The following GRM7 variants were observed in gnomAD, a reference collection of about 807,000 sequenced individuals.
GRM7 encodes the protein metabotropic glutamate receptor 7.
In GRM7, 35 loss-of-function variants were observed where a neutral mutation model predicts 84.5. The ratio of observed to expected loss-of-function variants is 0.41; its 90% CI spans 0.32 to 0.55. The LOEUF is 0.55. Ranked by LOEUF, GRM7 falls within the 20% of genes least tolerant of loss-of-function variation. The pLI is 0.19. For missense variants in GRM7, 1,003 were observed against 1,194.6 expected, an observed-to-expected ratio of 0.84 and a Z score of 2.36; for synonymous variants, 487 against 455.1, an observed-to-expected ratio of 1.07 and a Z score of -0.89.
intron 1 of GRM7, among the ~76,000 whole-genome samples, chr3:7,082,863 A>G (rs542134046): frequency 1.2e-4 from 18 of 152,234 alleles, no homozygotes; most frequent in African/African-American, 4.3e-4. Flanking sequence ...TTAAAAGTGG[A>G]GCCTGAAGAT....
At chr3:7,346,693 A>T (rs1692910071) in intron 4 of GRM7, among the ~76,000 whole-genome samples, 1 of 152,066 alleles carries the variant, frequency 6.6e-6, no homozygotes, top group Non-Finnish European at 1.5e-5. Flanking sequence ...CAATTAAAGC[A>T]CCCACTGGAA....
At chr3:7,422,954 A>G (rs1005929245) in intron 5 of GRM7, among the ~76,000 whole-genome samples, 1 of 152,188 alleles carries the variant, frequency 6.6e-6, no homozygotes, top group Non-Finnish European at 1.5e-5. Context: ...GGCAACCCAG[A>G]TCTTTGATTT....
chr3:7,598,154 T>A (rs3804882), intron 8 of GRM7, among the ~76,000 whole-genome samples: 1 of 152,164 alleles, frequency 6.6e-6, no homozygotes, highest in African/African-American at 2.4e-5. Context: ...ATATTGCAGA[T>A]AAGGAATATA....
intron 2 of GRM7, among the ~76,000 whole-genome samples, chr3:7,220,040 A>T (rs1696748392): frequency 6.6e-6 from 1 of 152,260 alleles, no homozygotes; most frequent in Non-Finnish European, 1.5e-5. Flanking sequence ...TATAACATGG[A>T]TATCCATAAG....
At chr3:7,467,550 T>A (rs941882640) in intron 7 of GRM7, among the ~76,000 whole-genome samples, 1 of 152,156 alleles carries the variant, frequency 6.6e-6, no homozygotes, top group Non-Finnish European at 1.5e-5. Context: ...CTGGCCAATC[T>A]GAGACATCAA....
chr3:7,040,695 G>C (rs1696569403), intron 1 of GRM7, among the ~76,000 whole-genome samples: 1 of 151,998 alleles, frequency 6.6e-6, no homozygotes, highest in East Asian at 1.9e-4. Context: ...GTGTGTCTTG[G>C]GACCAGCAGG....
chr3:7,573,031 C>G (rs1694782691), intron 7 of GRM7, among the ~76,000 whole-genome samples: 1 of 150,864 alleles, frequency 6.6e-6, no homozygotes, highest in Non-Finnish European at 1.5e-5. Flanking sequence ...AGTCATGCTA[C>G]TTAATGTTCA....
intron 7 of GRM7, among the ~76,000 whole-genome samples, chr3:7,547,586 T>C (rs564599394): frequency 6.4e-4 from 98 of 152,248 alleles, no homozygotes; most frequent in African/African-American, 2.3e-3. Flanking sequence ...AAAAATCCTA[T>C]TGCCCAGGTC....
At position 7,486,565 on chromosome 3, in the gene GRM7, A is replaced by C. The variant is rs73810663; in HGVS notation, c.1515+24843A>C. Among the ~76,000 whole-genome samples, 2,521 of 152,242 alleles carry C rather than the reference A, an allele frequency of 0.017. 64 individuals are homozygous for C. The highest frequency in any genetic ancestry group is 0.057 in the African/African-American group (2,367 of 41,544). ...CAGAAAAGTGGGGTGCTATACAGCA[A>C]GTCTGCCTCACAAGTTTGTTCTCTC... On this transcript the variant is annotated intron_variant, in intron 7 of 9. Transcript: ENST00000357716. This position sits in a 1 kb window ranked among gnomAD's most constrained non-coding sequence, Gnocchi z 5.5.
At chr3:6,950,943 G>C (rs1050779130) in intron 1 of GRM7, among the ~76,000 whole-genome samples, 5 of 152,160 alleles carry the variant, frequency 3.3e-5, no homozygotes, top group Non-Finnish European at 7.4e-5. Context: ...GATTTTCCAG[G>C]TGCAGTCTGT....
intron 7 of GRM7, among the ~76,000 whole-genome samples, chr3:7,491,040 T>C (rs1224314555): frequency 6.6e-6 from 1 of 152,002 alleles, no homozygotes; most frequent in African/African-American, 2.4e-5. Flanking sequence ...ATGGAATATG[T>C]TTTGATGGTT....
At chr3:7,293,581 A>T (rs1699712689) in intron 2 of GRM7, among the ~76,000 whole-genome samples, 1 of 152,174 alleles carries the variant, frequency 6.6e-6, no homozygotes, top group African/African-American at 2.4e-5. Context: ...AGTGTGAATT[A>T]ATTTGGCAAT....
intron 1 of GRM7, among the ~76,000 whole-genome samples, chr3:6,902,064 A>C (rs1281222508): frequency 6.6e-6 from 1 of 152,168 alleles, no homozygotes; most frequent in Non-Finnish European, 1.5e-5. Flanking sequence ...TTTTATATGA[A>C]AAGACAAAGA....
In GRM7 at chr3:7,740,344, A is replaced by T. The variant is rs747352521; in HGVS notation, c.2699-13A>T. ...TTATTACTGCAACTGACACTTTCTA[A>T]TTTTTCTTTCAGGCCCTGCTGCAAA... is the stretch of plus-strand genomic sequence containing the variant. On this transcript the variant is annotated splice_polypyrimidine_tract_variant and intron_variant, in intron 9 of 9. Coordinates refer to ENST00000357716, the MANE Select transcript of GRM7 (RefSeq NM_000844.4). The T allele has an allele frequency of 5.8e-6, 9 of 1,561,394 alleles. No homozygotes were observed. Among genetic ancestry groups the T allele is most frequent in the Non-Finnish European group, 7.0e-6 (8 of 1,138,648 alleles).
At chr3:7,314,592 A>G (rs532466327) in intron 4 of GRM7, among the ~76,000 whole-genome samples, 97 of 152,288 alleles carry the variant, frequency 6.4e-4, no homozygotes, top group African/African-American at 2.2e-3. Context: ...ATATACAATA[A>G]TAGGGGTGGT....
At chr3:7,141,295 T>G (rs1693937261) in intron 1 of GRM7, among the ~76,000 whole-genome samples, 1 of 151,862 alleles carries the variant, frequency 6.6e-6, no homozygotes, top group Non-Finnish European at 1.5e-5. Flanking sequence ...GATTCCTATA[T>G]GGCAGCAATA....
chr3:6,877,262 G>A (rs959112099), intron 1 of GRM7, among the ~76,000 whole-genome samples: 4 of 151,902 alleles, frequency 2.6e-5, no homozygotes, highest in Non-Finnish European at 5.9e-5. Context: ...GATGCAGGGA[G>A]CCTAGCTGAT....
chr3:7,025,911 C>CA (rs940954242), intron 1 of GRM7, among the ~76,000 whole-genome samples: 1 of 152,064 alleles, frequency 6.6e-6, no homozygotes, highest in African/African-American at 2.4e-5. Flanking sequence ...AGTAATGCAG[C>CA]AATATATTTA....
chr3:7,177,072 T>C (rs1332451907), intron 2 of GRM7, among the ~76,000 whole-genome samples: 1 of 152,206 alleles, frequency 6.6e-6, no homozygotes, highest in African/African-American at 2.4e-5. Context: ...TCTTTGCTCA[T>C]TTTGTTCCCA....
Sources: allele counts gnomAD v4.1 joint callset (sites outside exome capture counted in the v4.1 genomes callset), GRCh38; gene constraint gnomAD v4.1.1; non-coding constraint Gnocchi (gnomAD v3.1); transcripts MANE v1.5; gene names NCBI Gene and HGNC (gene_info 2026-07-23, HGNC 2026-07-21).